ADCY3: variants seen among roughly 807,000 people sequenced by gnomAD.
ADCY3 encodes adenylate cyclase type 3.
Under a neutral mutation model 119.4 loss-of-function variants are expected in ADCY3, and 70 were observed. That is an observed-to-expected ratio of 0.59 (90% CI 0.48 to 0.72). The LOEUF is 0.72. Among genes scored for constraint, ADCY3 ranks in the 30% least tolerant of loss-of-function variants. The pLI, the probability that ADCY3 is intolerant of heterozygous loss-of-function variation, is 0.00. For missense variants in ADCY3, 1,238 were observed against 1,541.6 expected, an observed-to-expected ratio of 0.80 and a Z score of 3.30; for synonymous variants, 672 against 621.4, an observed-to-expected ratio of 1.08 and a Z score of -1.21.
chr2:24,850,003 C>T (rs1288811373), intron 3 of ADCY3, among the ~76,000 whole-genome samples: 1 of 152,082 alleles, frequency 6.6e-6, no homozygotes, highest in Admixed American at 6.5e-5. Flanking sequence ...CCTTGTGGCC[C>T]CTTAGGGTAG....
In ADCY3 at chr2:24,872,757, G is replaced by A. The variant is rs746458113; in HGVS notation, c.676-38C>T. ...GAAGAAGAGAGAAAAGGCCAGGGGT[G>A]AAGGCACGTCTTCAGAAAAGGGGAT... On this transcript the variant is annotated intron_variant, in intron 2 of 21. Coordinates refer to ENST00000679454, the MANE Select transcript of ADCY3 (RefSeq NM_004036.5). The surrounding 1 kb of genome is among the most constrained non-coding windows in gnomAD (Gnocchi z 4.4). The A allele has an allele frequency of 6.3e-7, 1 of 1,598,824 alleles. No homozygotes were observed. The highest frequency in any genetic ancestry group is 2.2e-5 in the East Asian group (1 of 44,464).
At chr2:24,853,010 GTGTGTGTGTGTGT>G (rs1672544885) in intron 3 of ADCY3, among the ~76,000 whole-genome samples, 2 of 4,216 alleles carry the variant, frequency 4.7e-4, no homozygotes, top group East Asian at 0.014. Context: ...TGGAGGGTGT[GTGTGTGTGTGTGT>G]GTGTGTGTGT....
At chr2:24,832,684 G>A (rs1669761935) in intron 11 of ADCY3, among the ~76,000 whole-genome samples, 1 of 152,156 alleles carries the variant, frequency 6.6e-6, no homozygotes, top group Non-Finnish European at 1.5e-5. Flanking sequence ...TGGACACGCT[G>A]CCTTGAGCTC....
chr2:24,823,141 CTATTGT>C, intron 18 of ADCY3, 62 bp downstream of exon 18: 11 of 1,547,102 alleles, frequency 7.1e-6, no homozygotes, highest in Non-Finnish European at 9.6e-6. Context: ...CCTCTGCAGC[CTATTGT>C]AGGATGTGAT....
chr2:24,822,173 C>T (rs147123606), intron 19 of ADCY3: 4 of 217,372 alleles, frequency 1.8e-5, no homozygotes, highest in South Asian at 2.2e-4. Flanking sequence ...AACAGGCTGC[C>T]GTCAGCCAGA....
intron 20 of ADCY3, chr2:24,821,087 C>T: frequency 1.8e-6 from 1 of 546,882 alleles, no homozygotes. Context: ...ATGGTAGTGG[C>T]CAGCTTCTAA....
chr2:24,895,178 C>T (rs546269661), intron 2 of ADCY3, among the ~76,000 whole-genome samples: 10 of 152,266 alleles, frequency 6.6e-5, no homozygotes, highest in Admixed American at 2.0e-4. Context: ...GCAACCTCCT[C>T]CTCATGGGTT....
chr2:24,820,832 C>T lies in ADCY3; in HGVS notation c.3144G>A (p.Gly1048=). 2.5e-6 allele frequency: 4 copies of T among 1,614,046 alleles called. No homozygotes were observed. The South Asian group carries it at 4.4e-5, about 18-fold the overall frequency. The change falls in exon 21 of 22, where the codon GGG becomes GGA. Residue 1048 remains glycine (G), a synonymous_variant. Transcript: ENST00000679454. Reference sequence around the variant, plus strand: ...GGGCTCCGATGACCCCAGCCAGAACCCCGCCTTTGTTCATGCCTAGGGTAG... The same window carrying T: ...GGGCTCCGATGACCCCAGCCAGAACTCCGCCTTTGTTCATGCCTAGGGTAG... ...FMLRIGMNKG[G]VLAGVIGARK...
Position 24,907,115 on chromosome 2 carries a change from T to A in ADCY3, c.675+11198A>T, listed in dbSNP as rs116425554. ...CACTGCACTCAAGAGCAAAACTCCATCTCAAAAAAATAAAAATAAAAATGA... is the reference window on the plus strand; with the variant it reads ...CACTGCACTCAAGAGCAAAACTCCAACTCAAAAAAATAAAAATAAAAATGA... On this transcript the variant is annotated intron_variant, in intron 2 of 21. Transcript: ENST00000679454. Among the ~76,000 whole-genome samples, 1,436 of 151,394 alleles carry A rather than the reference T, an allele frequency of 9.5e-3. 21 individuals carry two copies. Among genetic ancestry groups the A allele is most frequent in the African/African-American group, 0.033 (1,370 of 41,230 alleles).
At chr2:24,913,099 G>A (rs907332103) in intron 2 of ADCY3, among the ~76,000 whole-genome samples, 31 of 152,202 alleles carry the variant, frequency 2.0e-4, no homozygotes, top group African/African-American at 7.5e-4. Context: ...CAGTGGAGGA[G>A]CCCAGGGCCA....
chr2:24,885,331 C>T (rs950594455), intron 2 of ADCY3, among the ~76,000 whole-genome samples: 8 of 152,194 alleles, frequency 5.3e-5, no homozygotes, highest in African/African-American at 1.4e-4. Context: ...GACCTTATGG[C>T]GGGACCAGGA....
Position 24,841,592 on chromosome 2 carries a change from G to C in ADCY3, c.1032C>G (p.Leu344=). 2 of 1,613,538 alleles carry C rather than the reference G, an allele frequency of 1.2e-6. No individual in the cohort carries two copies. The highest frequency in any genetic ancestry group is 1.7e-6 in the Non-Finnish European group (2 of 1,179,976). ...TGTCAAAGCGGGCAAAGAGCTCGTT[G>C]AGCAGCTTCACAAGCTCCTGGGCAC... ...ACSAQELVKL[L]NELFARFDKL... The change falls in exon 5 of 22, where the codon CTC becomes CTG. Residue 344 remains leucine (L), a synonymous_variant. Coordinates refer to ENST00000679454, the MANE Select transcript of ADCY3 (RefSeq NM_004036.5). This position sits in a 1 kb window ranked among gnomAD's most constrained non-coding sequence, Gnocchi z 5.8.
chr2:24,838,810 G>C, intron 7 of ADCY3, 188 bp from the exon 8 acceptor site: 1 of 1,606,764 alleles, frequency 6.2e-7, no homozygotes, highest in Non-Finnish European at 8.5e-7. Context: ...TAGCTGTGTG[G>C]GCCGCTAACT....
At chr2:24,906,267 A>G (rs936398622) in intron 2 of ADCY3, among the ~76,000 whole-genome samples, 1 of 151,380 alleles carries the variant, frequency 6.6e-6, no homozygotes, top group Non-Finnish European at 1.5e-5. Context: ...AGATGATGCC[A>G]CTGCACTCCA....
intron 2 of ADCY3, among the ~76,000 whole-genome samples, chr2:24,880,030 A>G (rs1051580023): frequency 1.1e-4 from 16 of 152,182 alleles, no homozygotes; most frequent in African/African-American, 3.9e-4. Flanking sequence ...TCAATACAAC[A>G]CGAGGCTCAA....
intron 11 of ADCY3, among the ~76,000 whole-genome samples, chr2:24,833,755 G>A (rs186419379): frequency 1.2e-4 from 19 of 152,370 alleles, no homozygotes; most frequent in Admixed American, 1.2e-3. Flanking sequence ...AGTCGTGAGT[G>A]TCCGCTAGGG....
intron 16 of ADCY3, among the ~76,000 whole-genome samples, 169 bp from the exon 17 acceptor site, chr2:24,824,705 A>G (rs1668342788): frequency 1.3e-5 from 2 of 152,204 alleles, no homozygotes; most frequent in South Asian, 4.1e-4. Context: ...CCTGACCAAC[A>G]TGGTGAAACC....
At chr2:24,871,369 G>GAC (rs1039478428) in intron 3 of ADCY3, among the ~76,000 whole-genome samples, 11 of 152,234 alleles carry the variant, frequency 7.2e-5, no homozygotes, top group African/African-American at 9.6e-5. Flanking sequence ...ACTAAGCCTG[G>GAC]ACCTTTGTCA....
chr2:24,834,068 G>C lies in ADCY3; in HGVS notation c.1967+417C>G, dbSNP rs1430386745. 6.6e-6 allele frequency among the ~76,000 whole-genome samples: 1 copy of C among 152,264 alleles called. No individual in the cohort carries two copies. The highest frequency in any genetic ancestry group is 1.5e-5 in the Non-Finnish European group (1 of 68,044). ...TACTGCTGCGTTAGAGAGGGCGTCAGTCTGTGCCCACAGCCTAAAATCTAT... is the reference window on the plus strand; with the variant it reads ...TACTGCTGCGTTAGAGAGGGCGTCACTCTGTGCCCACAGCCTAAAATCTAT... On this transcript the variant is annotated intron_variant, in intron 11 of 21. Coordinates refer to ENST00000679454, the MANE Select transcript of ADCY3 (RefSeq NM_004036.5). This position sits in a 1 kb window ranked among gnomAD's most constrained non-coding sequence, Gnocchi z 4.2.
Sources: gnomAD v4.1 joint callset for allele counts (sites outside exome capture counted in the v4.1 genomes callset) on GRCh38, gnomAD v4.1.1 for gene constraint, Gnocchi (gnomAD v3.1) non-coding constraint, MANE v1.5 for transcripts, NCBI Gene and HGNC (gene_info 2026-07-23, HGNC 2026-07-21) for gene names.